CPAMD8: variants seen among roughly 807,000 people sequenced by gnomAD.
The protein encoded by CPAMD8 is C3 and PZP-like alpha-2-macroglobulin domain-containing protein 8.
Under a neutral mutation model 224.7 loss-of-function variants are expected in CPAMD8, and 146 were observed. The ratio of observed to expected loss-of-function variants is 0.65; its 90% confidence interval spans 0.57 to 0.75. CPAMD8 has a LOEUF of 0.75. CPAMD8 is among the 30% of genes least tolerant of loss of function. The pLI, the probability that CPAMD8 is intolerant of heterozygous loss-of-function variation, is 0.00. For synonymous variants in CPAMD8, 966 were observed against 1,044.6 expected (o/e 0.92, Z 1.45); for missense variants, 2,301 against 2,537.5 (o/e 0.91, Z 2.00).
rs2056557490 is a variant in CPAMD8, at chr19:17,008,571, G to A, written c.505-12C>T. ...GAGCCTCGGGGGTCCTGTTGGTGGT[G>A]GAGGGGGACAGACACACGGAGTGAA... On this transcript the variant is annotated splice_polypyrimidine_tract_variant and intron_variant, in intron 6 of 41. Coordinates refer to ENST00000443236, the MANE Select transcript of CPAMD8 (RefSeq NM_015692.5). 10 of 1,614,046 alleles carry A rather than the reference G, an allele frequency of 6.2e-6. No individual in the cohort carries two copies. Among genetic ancestry groups the A allele is most frequent in the Non-Finnish European group, 8.5e-6 (10 of 1,179,976 alleles).
chr19:16,984,907 G>T (rs1393181956), intron 13 of CPAMD8, among the ~76,000 whole-genome samples: 1 of 152,190 alleles, frequency 6.6e-6, no homozygotes, highest in Non-Finnish European at 1.5e-5. Context: ...GCACACTCAT[G>T]TGTAGTCACA....
chr19:16,911,037 G>T (rs1034295865), intron 29 of CPAMD8, among the ~76,000 whole-genome samples: 2 of 152,202 alleles, frequency 1.3e-5, no homozygotes, highest in Non-Finnish European at 2.9e-5. Context: ...CCCAGTTTGT[G>T]GCAATTTGTT....
chr19:16,893,420 C>T, intron 41 of CPAMD8, 81 bp from the exon 42 acceptor site: 1 of 994,894 alleles, frequency 1.0e-6, no homozygotes, highest in Non-Finnish European at 1.4e-6. Flanking sequence ...GCCACAGGGC[C>T]TGTCGCTTGT....
chr19:17,008,415 A>T, intron 7 of CPAMD8, 90 bp downstream of exon 7: 2 of 1,488,598 alleles, frequency 1.3e-6, no homozygotes, highest in Non-Finnish European at 1.8e-6. Flanking sequence ...GTGGGGGTAC[A>T]TTAGCGGTGG....
chr19:16,925,083 C>A, intron 26 of CPAMD8, 113 bp downstream of exon 26: 1 of 1,138,570 alleles, frequency 8.8e-7, no homozygotes. Context: ...TTGCCCACTT[C>A]CTCCCCTTTG....
chr19:16,901,158 T>C (rs1056758581), intron 36 of CPAMD8, 52 bp downstream of exon 36: 2 of 1,338,902 alleles, frequency 1.5e-6, no homozygotes, highest in Non-Finnish European at 2.1e-6. Context: ...GCCTAAGCCC[T>C]ACCTATTGTT....
chr19:16,995,033 A>G (rs1469968133), intron 11 of CPAMD8, among the ~76,000 whole-genome samples: 1 of 152,166 alleles, frequency 6.6e-6, no homozygotes, highest in Non-Finnish European at 1.5e-5. Context: ...TCTTTACCAA[A>G]TTTGTAGCCT....
intron 9 of CPAMD8, among the ~76,000 whole-genome samples, chr19:17,001,751 G>A (rs1409159202): frequency 6.6e-6 from 1 of 151,526 alleles, no homozygotes; most frequent in East Asian, 1.9e-4. Context: ...GTGTCTGCCT[G>A]TAGGAGGAGG....
chr19:16,987,094 G>C (rs2055747017), intron 13 of CPAMD8, among the ~76,000 whole-genome samples: 1 of 140,820 alleles, frequency 7.1e-6, no homozygotes, highest in Non-Finnish European at 1.5e-5. Context: ...AGGAGATGGA[G>C]GTTGCAGTGA....
At chr19:17,006,692 G>A (rs181056829) in intron 7 of CPAMD8, among the ~76,000 whole-genome samples, 1 of 151,936 alleles carries the variant, frequency 6.6e-6, no homozygotes, top group Admixed American at 6.6e-5. Flanking sequence ...TTGACTCCCT[G>A]CCTGGGAGAT....
intron 34 of CPAMD8, 70 bp from the exon 35 acceptor site, chr19:16,902,933 G>C (rs1033419618): frequency 5.4e-6 from 5 of 918,392 alleles, no homozygotes; most frequent in Non-Finnish European, 8.2e-6. Flanking sequence ...TAGGGGAGGA[G>C]AAGGGCAGTG....
In CPAMD8 at chr19:16,982,582, C is replaced by T. The variant is rs141006934; in HGVS notation, c.1396-1896G>A. Among the ~76,000 whole-genome samples, 343 of 152,164 alleles carry T rather than the reference C, an allele frequency of 2.3e-3. 2 individuals are homozygous for T. Among genetic ancestry groups the T allele is most frequent in the Middle Eastern group, 0.02 (6 of 294 alleles). On this transcript the variant is annotated intron_variant, in intron 13 of 41. Transcript: ENST00000443236. ...GAGTGTGGTGGCTCATGCCTATAAT[C>T]CTAACACTTTGGGAGGCTGAGGCAG...
In CPAMD8 at chr19:16,976,088, C is replaced by T; in HGVS notation, c.1822G>A (p.Ala608Thr). 6.2e-7 allele frequency: 1 copy of T among 1,612,874 alleles called. No homozygotes were observed. Among genetic ancestry groups the T allele is most frequent in the Non-Finnish European group, 8.5e-7 (1 of 1,179,292 alleles). Residue 608 changes from alanine to threonine, a missense_variant, in exon 16 of 42, where the codon GCT becomes ACT. This residue lies in a region of CPAMD8 where 1,709 missense variants were observed against 1,753.2 expected (regional missense o/e 0.97). Transcript: ENST00000443236. ...ACGCACACACAGCTGCCCCTTGCAG[C>T]CCTGATCCGCAGGTCGACAACCTCC... Reference protein sequence around the residue: ...PGEVVDLRIRAARGSCVCVAA... With the variant: ...PGEVVDLRIRTARGSCVCVAA...
intron 20 of CPAMD8, among the ~76,000 whole-genome samples, chr19:16,949,836 C>G (rs570386713): frequency 6.6e-6 from 1 of 152,328 alleles, no homozygotes; most frequent in Admixed American, 6.5e-5. Flanking sequence ...AGGGGGACTT[C>G]CCCTTTTCTG....
Position 16,929,026 on chromosome 19 carries a change from G to A in CPAMD8, c.3060C>T (p.Pro1020=), listed in dbSNP as rs373988558. The change falls in exon 24 of 42, where the codon CCC becomes CCT. Residue 1020 remains proline, a synonymous_variant. Coordinates refer to ENST00000443236, the MANE Select transcript of CPAMD8 (RefSeq NM_015692.5). ...SWISTSKMGE[P]VASAHTAKIL... Reference sequence around the variant, plus strand: ...TCTTGGCCGTGTGTGCACTGGCCACGGGCTCTCCCATCTTGCTGGTGGAGA... The same window carrying A: ...TCTTGGCCGTGTGTGCACTGGCCACAGGCTCTCCCATCTTGCTGGTGGAGA... 106 of 1,613,760 alleles carry A rather than the reference G, an allele frequency of 6.6e-5. No homozygotes were observed. The highest frequency in any genetic ancestry group is 1.6e-4 in the Middle Eastern group (1 of 6,080).
chr19:16,922,057 C>T (rs981324110), intron 26 of CPAMD8, 71 bp from the exon 27 acceptor site: 63 of 1,048,644 alleles, frequency 6.0e-5, no homozygotes, highest in Admixed American at 5.6e-4. Flanking sequence ...GGGACCTACA[C>T]CACTCTGCCG....
chr19:16,896,723 C>A lies in CPAMD8; in HGVS notation c.5066-58G>T. The A allele has an allele frequency of 1.6e-6, 2 of 1,236,812 alleles. 1 individual carries two copies. The highest frequency in any genetic ancestry group is 7.1e-5 in the Admixed American group (2 of 28,012). The allele number at this position is 1,236,812 out of a possible 1,614,324, so 76.6% of individuals were successfully genotyped here. ...ACCCTGAACCTTGCCCGCGCCCCCA[C>A]AGAACCTGGGGGTGGGGAAGATGTC... On this transcript the variant is annotated intron_variant, in intron 39 of 41. Transcript: ENST00000443236.
At chr19:16,916,731 C>A (rs2052975715) in intron 27 of CPAMD8, among the ~76,000 whole-genome samples, 1 of 151,672 alleles carries the variant, frequency 6.6e-6, no homozygotes, top group Non-Finnish European at 1.5e-5. Context: ...AAAATGAGAC[C>A]CTGTCTCAGA....
At chr19:16,925,437 T>A in intron 25 of CPAMD8, 65 bp from the exon 26 acceptor site, 1 of 1,323,218 alleles carries the variant, frequency 7.6e-7, no homozygotes, top group Non-Finnish European at 1.1e-6. Context: ...CAGGGACAGC[T>A]TTACCCAGGG....
Sources: gnomAD v4.1 joint callset for allele counts (sites outside exome capture counted in the v4.1 genomes callset) on GRCh38, gnomAD v4.1.1 for gene constraint, gnomAD v4.1.1 regional missense constraint, MANE v1.5 for transcripts, NCBI Gene and HGNC (gene_info 2026-07-23, HGNC 2026-07-21) for gene names.